The following FRMPD4 variants were observed in gnomAD, a reference collection of about 807,000 sequenced individuals.
FRMPD4 encodes FERM and PDZ domain-containing protein 4.
Under a neutral mutation model 94.1 loss-of-function variants are expected in FRMPD4, and 22 were observed. The ratio of observed to expected loss-of-function variants is 0.23; its 90% CI spans 0.17 to 0.33. The LOEUF is 0.33. Ranked by LOEUF, FRMPD4 falls within the 10% of genes least tolerant of loss-of-function variation. The pLI is 1.00. For synonymous variants in FRMPD4, 631 were observed against 548.6 expected (o/e 1.15, Z -2.10); for missense variants, 1,111 against 1,339.9 (o/e 0.83, Z 2.67).
intron 3 of FRMPD4, among the ~76,000 whole-genome samples, chrX:11,976,726 T>C (rs2054369216): frequency 8.9e-6 from 1 of 112,110 alleles, no homozygotes; most frequent in Non-Finnish European, 1.9e-5. Context: ...TGTCTCTTTA[T>C]GAGAATTAAC....
At chrX:12,376,630 G>A (rs1243473597) in intron 1 of FRMPD4, among the ~76,000 whole-genome samples, 1 of 109,970 alleles carries the variant, frequency 9.1e-6, no homozygotes, top group African/African-American at 3.4e-5. Flanking sequence ...CACGTGTGTG[G>A]GTGCACGTGC....
chrX:12,456,149 A>G (rs1440616872), intron 1 of FRMPD4, among the ~76,000 whole-genome samples: 1 of 112,291 alleles, frequency 8.9e-6, no homozygotes, highest in Non-Finnish European at 1.9e-5. Flanking sequence ...ATAGAGCTAT[A>G]GAGAGAATAA....
At chrX:12,016,107 C>G (rs1467125248) in intron 3 of FRMPD4, among the ~76,000 whole-genome samples, 3 of 112,033 alleles carry the variant, frequency 2.7e-5, no homozygotes, top group African/African-American at 9.7e-5. Flanking sequence ...TATAACTTGG[C>G]TTTGGACAGT....
chrX:11,951,149 G>A (rs1479349135), intron 3 of FRMPD4, among the ~76,000 whole-genome samples: 1 of 109,949 alleles, frequency 9.1e-6, no homozygotes, highest in Admixed American at 9.8e-5. Flanking sequence ...TGGTGGGAAT[G>A]TAAATTAATT....
chrX:12,120,819 A>G (rs1245151915), intron 3 of FRMPD4, among the ~76,000 whole-genome samples: 1 of 111,116 alleles, frequency 9.0e-6, no homozygotes, highest in Non-Finnish European at 1.9e-5. Context: ...GACATTTGCT[A>G]TCAAAAGTCC....
At chrX:12,267,089 T>C (rs1411708151) in intron 1 of FRMPD4, among the ~76,000 whole-genome samples, 1 of 111,741 alleles carries the variant, frequency 8.9e-6, no homozygotes, top group Non-Finnish European at 1.9e-5. Context: ...CCTGGGAAAA[T>C]ATCAGAATTC....
intron 1 of FRMPD4, among the ~76,000 whole-genome samples, chrX:12,173,901 T>C (rs1342666676): frequency 9.0e-6 from 1 of 111,143 alleles, no homozygotes; most frequent in Non-Finnish European, 1.9e-5. Flanking sequence ...AGCTGCTACC[T>C]CTGGGGCTGA....
chrX:12,037,848 C>A lies in FRMPD4; in HGVS notation c.95+159830C>A, dbSNP rs781646997. On this transcript the variant is annotated intron_variant, in intron 3 of 18. Transcript: ENST00000640291. Reference sequence around the variant, plus strand: ...ACATGCGGTATTTGGTTTTCTGTTCCTGCATTATTTTGCTAAGGATAATGG... The same window carrying A: ...ACATGCGGTATTTGGTTTTCTGTTCATGCATTATTTTGCTAAGGATAATGG... Among the ~76,000 whole-genome samples the A allele has an allele frequency of 3.6e-5, 4 of 111,641 alleles. No individual in the cohort carries two copies. The East Asian group carries it at 1.1e-3, about 31-fold the overall frequency.
upstream of FRMPD4, among the ~76,000 whole-genome samples, chrX:12,137,112 T>C (rs2055607684): frequency 8.9e-6 from 1 of 111,897 alleles, no homozygotes; most frequent in Non-Finnish European, 1.9e-5. Context: ...ACAATAGAGT[T>C]CAAAAGCCAA....
chrX:12,689,800 C>T (rs2060063114), intron 7 of FRMPD4, among the ~76,000 whole-genome samples: 1 of 112,786 alleles, frequency 8.9e-6, no homozygotes, highest in Admixed American at 9.3e-5. Flanking sequence ...GTTTTCCAAC[C>T]CTTGGGGCAG....
At chrX:12,372,391 A>G (rs766807564) in intron 1 of FRMPD4, among the ~76,000 whole-genome samples, 22 of 112,991 alleles carry the variant, frequency 1.9e-4, no homozygotes, top group African/African-American at 7.1e-4. Context: ...AATCTCAGCA[A>G]TGAGGCCAGG....
intron 2 of FRMPD4, among the ~76,000 whole-genome samples, chrX:11,877,748 A>G (rs985354141): frequency 1.8e-5 from 2 of 112,424 alleles, no homozygotes; most frequent in Admixed American, 1.9e-4. Context: ...TCTGGTTTCC[A>G]AGTAGCTGAG....
At chrX:12,698,793 A>G (rs1386300383) in intron 9 of FRMPD4, among the ~76,000 whole-genome samples, 2 of 111,538 alleles carry the variant, frequency 1.8e-5, no homozygotes, top group African/African-American at 6.5e-5. Context: ...GAGAAGTAAT[A>G]GTGATGGCTA....
At chrX:12,148,093 G>T (rs184404602) in intron 1 of FRMPD4, among the ~76,000 whole-genome samples, 1 of 111,926 alleles carries the variant, frequency 8.9e-6, no homozygotes, top group Non-Finnish European at 1.9e-5. Context: ...GCCTGCAAGT[G>T]TTCAAGTTAA....
intron 1 of FRMPD4, among the ~76,000 whole-genome samples, chrX:12,425,440 G>T (rs1475584422): frequency 2.7e-5 from 3 of 111,982 alleles, no homozygotes. Flanking sequence ...TCACTATTGA[G>T]GGAATCTGCA....
At chrX:12,303,382 G>A in intron 1 of FRMPD4, among the ~76,000 whole-genome samples, 1 of 111,847 alleles carries the variant, frequency 8.9e-6, no homozygotes. Context: ...TTATAATAAT[G>A]ATGACCTTAA....
intron 1 of FRMPD4, among the ~76,000 whole-genome samples, chrX:12,193,775 G>GAAAGAAAGAAAGAAAGA (rs1207033585): frequency 3.3e-4 from 5 of 15,208 alleles, no homozygotes; most frequent in East Asian, 2.3e-3. Flanking sequence ...AGAAAGAAAG[G>GAAAGAAAGAAAGAAAGA]AAGGAAGGAA....
intron 1 of FRMPD4, among the ~76,000 whole-genome samples, chrX:12,383,605 A>G (rs1387612560): frequency 9.0e-6 from 1 of 111,403 alleles, no homozygotes; most frequent in Non-Finnish European, 1.9e-5. Flanking sequence ...TGTCTTACTC[A>G]TGCCTGCGCC....
At chrX:12,229,232 T>C (rs2056957507) in intron 1 of FRMPD4, among the ~76,000 whole-genome samples, 1 of 111,949 alleles carries the variant, frequency 8.9e-6, no homozygotes, top group Non-Finnish European at 1.9e-5. Flanking sequence ...CCGAGTCATG[T>C]CATCTCTTTG....
Sources: allele counts gnomAD v4.1 joint callset (sites outside exome capture counted in the v4.1 genomes callset), GRCh38; gene constraint gnomAD v4.1.1; transcripts MANE v1.5; gene names NCBI Gene and HGNC (gene_info 2026-07-23, HGNC 2026-07-21).